ZNG1B: variants seen among roughly 807,000 people sequenced by gnomAD.
ZNG1B encodes Zn regulated GTPase metalloprotein activator 1B.
the ZNG1B span, among the ~76,000 whole-genome samples, chr2:113,449,170 G>A: frequency 5.6e-4 from 85 of 151,554 alleles, no homozygotes; most frequent in African/African-American, 2.0e-3. Context: ...TCTGAATTAG[G>A]CTTTGGCTTA....
the ZNG1B span, chr2:113,438,133 T>C: frequency 5.6e-6 from 9 of 1,604,260 alleles, no homozygotes; most frequent in Non-Finnish European, 6.8e-6. Context: ...CAAGAGCAAA[T>C]GTCTTCGAGG....
At chr2:113,445,619 A>G in the ZNG1B span, 1 of 149,080 alleles carries the variant, frequency 6.7e-6, no homozygotes, top group Non-Finnish European at 1.5e-5. Flanking sequence ...TACTATGGAA[A>G]GCTACACAGA....
the ZNG1B span, among the ~76,000 whole-genome samples, chr2:113,485,132 T>G: frequency 6.9e-6 from 1 of 145,452 alleles, no homozygotes; most frequent in Non-Finnish European, 1.5e-5. Context: ...TATTCTGACT[T>G]ACTTAACAAA....
the ZNG1B span, among the ~76,000 whole-genome samples, chr2:113,450,807 C>T: frequency 6.8e-6 from 1 of 147,930 alleles, no homozygotes; most frequent in Admixed American, 6.8e-5. Flanking sequence ...CTCCACTCTC[C>T]TTACCCAAGT....
At chr2:113,444,927 G>A in the ZNG1B span, 1 of 1,606,284 alleles carries the variant, frequency 6.2e-7, no homozygotes. Flanking sequence ...AAAATATTTA[G>A]GTAATTAACT....
At chr2:113,459,552 A>T in the ZNG1B span, among the ~76,000 whole-genome samples, 2 of 151,026 alleles carry the variant, frequency 1.3e-5, no homozygotes, top group Non-Finnish European at 3.0e-5. Context: ...TAAAAAAAAA[A>T]GTCCCTGTGA....
chr2:113,452,914 G>A, the ZNG1B span, among the ~76,000 whole-genome samples: 1 of 151,412 alleles, frequency 6.6e-6, no homozygotes, highest in Non-Finnish European at 1.5e-5. Context: ...CTTTTTTAAA[G>A]GAAATAACAA....
At chr2:113,450,123 A>G in the ZNG1B span, among the ~76,000 whole-genome samples, 1 of 151,582 alleles carries the variant, frequency 6.6e-6, no homozygotes, top group African/African-American at 2.4e-5. Flanking sequence ...GAAATTCAGT[A>G]ATATAAACAA....
the ZNG1B span, among the ~76,000 whole-genome samples, chr2:113,441,172 A>G: frequency 2.6e-4 from 39 of 152,326 alleles, no homozygotes; most frequent in African/African-American, 8.7e-4. Flanking sequence ...ATGTCTACAT[A>G]AAGTATTTTG....
the ZNG1B span, among the ~76,000 whole-genome samples, chr2:113,483,230 A>G: frequency 1.3e-5 from 2 of 151,140 alleles, no homozygotes; most frequent in African/African-American, 4.8e-5. Flanking sequence ...GAAAAGATGA[A>G]GCAAACGCAG....
At chr2:113,458,111 A>G in the ZNG1B span, among the ~76,000 whole-genome samples, 1 of 150,608 alleles carries the variant, frequency 6.6e-6, no homozygotes, top group African/African-American at 2.4e-5. Context: ...TTTTGCAAAA[A>G]TTTTTTCTTC....
chr2:113,457,286 G>T, the ZNG1B span: 1 of 368,656 alleles, frequency 2.7e-6, no homozygotes, highest in African/African-American at 2.2e-5. Context: ...CAGTTAGCTT[G>T]GAAAAGGCCA....
At chr2:113,462,057 C>G in the ZNG1B span, among the ~76,000 whole-genome samples, 1 of 152,204 alleles carries the variant, frequency 6.6e-6, no homozygotes, top group Non-Finnish European at 1.5e-5. Flanking sequence ...CTTTTCTTCA[C>G]AAAGAAAATT....
the ZNG1B span, among the ~76,000 whole-genome samples, chr2:113,450,686 G>A: frequency 0.13 from 14,873 of 110,576 alleles, 1,409 homozygotes; most frequent in East Asian, 0.35. Context: ...CTTGCTTTTT[G>A]TTCCCTGTAT....
chr2:113,439,924 G>A, the ZNG1B span, among the ~76,000 whole-genome samples: 2 of 111,708 alleles, frequency 1.8e-5, no homozygotes, highest in East Asian at 2.8e-4. Flanking sequence ...TCGCTCTGTC[G>A]CCCAGGCTGG....
chr2:113,492,370 T>C, the ZNG1B span, among the ~76,000 whole-genome samples: 1 of 124,408 alleles, frequency 8.0e-6, no homozygotes, highest in African/African-American at 2.9e-5. Context: ...GAGACTATTA[T>C]TCTAAGTGAA....
chr2:113,463,468 G>A, the ZNG1B span, among the ~76,000 whole-genome samples: 1 of 151,992 alleles, frequency 6.6e-6, no homozygotes, highest in African/African-American at 2.4e-5. Context: ...GAGATTATTT[G>A]CCATGATTAA....
At chr2:113,441,566 G>C in the ZNG1B span, 1 of 741,536 alleles carries the variant, frequency 1.3e-6, no homozygotes, top group Non-Finnish European at 2.2e-6. Context: ...CTTTAGAAAA[G>C]TTGGATTAAT....
the ZNG1B span, among the ~76,000 whole-genome samples, chr2:113,438,433 T>C: frequency 6.6e-6 from 1 of 152,166 alleles, no homozygotes; most frequent in Non-Finnish European, 1.5e-5. Context: ...GTCCCGTCTG[T>C]AAAATGCCCG....
Sources: allele counts gnomAD v4.1 joint callset (sites outside exome capture counted in the v4.1 genomes callset), GRCh38; gene constraint gnomAD v4.1.1; transcripts MANE v1.5; gene names NCBI Gene and HGNC (gene_info 2026-07-23, HGNC 2026-07-21).